Variants in RHOBTB1 observed in about 807,000 individuals in gnomAD.
RHOBTB1 encodes the protein rho-related BTB domain-containing protein 1.
Under a neutral mutation model 71.6 loss-of-function variants are expected in RHOBTB1, and 40 were observed. The ratio of observed to expected loss-of-function variants is 0.56; its 90% CI spans 0.43 to 0.73. RHOBTB1 has a LOEUF of 0.73. Ranked by LOEUF, RHOBTB1 falls within the 30% of genes least tolerant of loss-of-function variation. The pLI is 0.00. For synonymous variants in RHOBTB1, 319 were observed against 334.9 expected (o/e 0.95, Z 0.52); for missense variants, 797 against 894.0 (o/e 0.89, Z 1.38).
intron 2 of RHOBTB1, among the ~76,000 whole-genome samples, chr10:60,923,921 C>G (rs1312238747): frequency 6.6e-6 from 1 of 152,072 alleles, no homozygotes; most frequent in Admixed American, 6.6e-5. Flanking sequence ...TATAAATTAC[C>G]CAGTCTTGGG....
chr10:60,997,769 A>G (rs2135042008), intron 1 of RHOBTB1, among the ~76,000 whole-genome samples: 1 of 152,340 alleles, frequency 6.6e-6, no homozygotes, highest in South Asian at 2.1e-4. Context: ...AATAGGTTAT[A>G]CATACTAAGA....
chr10:60,990,681 C>T (rs1489966287), intron 1 of RHOBTB1, among the ~76,000 whole-genome samples: 3 of 152,176 alleles, frequency 2.0e-5, no homozygotes, highest in Non-Finnish European at 4.4e-5. Context: ...TTTTGCTATT[C>T]TTCCATCCTC....
intron 2 of RHOBTB1, among the ~76,000 whole-genome samples, chr10:60,950,025 A>C (rs1439998979): frequency 2.6e-5 from 4 of 152,134 alleles, no homozygotes. Flanking sequence ...TAAAAATGTG[A>C]TTTTGCAAAT....
intron 9 of RHOBTB1, 113 bp downstream of exon 9, chr10:60,874,841 T>TGTGACTCA: frequency 1.3e-6 from 1 of 755,858 alleles, no homozygotes; most frequent in South Asian, 1.6e-5. Flanking sequence ...AGGGGGACTC[T>TGTGACTCA]GTGACTCAGT....
intron 2 of RHOBTB1, among the ~76,000 whole-genome samples, chr10:60,929,362 A>T (rs959180244): frequency 1.3e-5 from 2 of 152,160 alleles, no homozygotes; most frequent in African/African-American, 4.8e-5. Flanking sequence ...ATAATAATAC[A>T]TTTCTGACTT....
chr10:60,920,638 AGTTTT>A (rs572223910), intron 2 of RHOBTB1, among the ~76,000 whole-genome samples: 49 of 146,484 alleles, frequency 3.3e-4, no homozygotes, highest in South Asian at 1.9e-3. Context: ...TTTTTTTTTA[AGTTTT>A]GTTTTGTTTT....
At chr10:60,955,974 A>G (rs566920410) in intron 2 of RHOBTB1, among the ~76,000 whole-genome samples, 1 of 152,190 alleles carries the variant, frequency 6.6e-6, no homozygotes, top group Non-Finnish European at 1.5e-5. Flanking sequence ...AGTGGGCCTC[A>G]TTTGTTAATA....
intron 2 of RHOBTB1, among the ~76,000 whole-genome samples, chr10:60,937,333 C>T (rs868558238): frequency 2.0e-5 from 3 of 151,896 alleles, no homozygotes; most frequent in African/African-American, 4.8e-5. Context: ...GTCAGCAACA[C>T]GTGACAAAAA....
At chr10:60,868,180 T>C (rs2080648343), downstream of RHOBTB1, among the ~76,000 whole-genome samples, 1 of 152,212 alleles carries the variant, frequency 6.6e-6, no homozygotes, top group African/African-American at 2.4e-5. Flanking sequence ...CTATGACTTT[T>C]ATGCAATAGT....
At chr10:60,976,462 G>A (rs1316083425) in intron 2 of RHOBTB1, among the ~76,000 whole-genome samples, 1 of 151,922 alleles carries the variant, frequency 6.6e-6, no homozygotes, top group Non-Finnish European at 1.5e-5. Flanking sequence ...CTAACTCCGA[G>A]TTAAGAAACT....
chr10:60,993,733 T>C (rs1191625733), intron 1 of RHOBTB1, among the ~76,000 whole-genome samples: 1 of 152,042 alleles, frequency 6.6e-6, no homozygotes, highest in Non-Finnish European at 1.5e-5. Flanking sequence ...CCCTAAATCC[T>C]TTCCAGCATA....
At chr10:60,871,766 A>G in intron 10 of RHOBTB1, 115 bp from the exon 11 acceptor site, 1 of 983,442 alleles carries the variant, frequency 1.0e-6, no homozygotes, top group South Asian at 1.7e-5. Flanking sequence ...TGCGGCAGAG[A>G]CTGTGATTAG....
intron 2 of RHOBTB1, among the ~76,000 whole-genome samples, chr10:60,951,885 C>T (rs536679835): frequency 3.9e-4 from 59 of 151,158 alleles, no homozygotes; most frequent in South Asian, 2.1e-3. Flanking sequence ...GATGAAACCC[C>T]GTCTCTACTA....
chr10:60,955,311 G>A (rs1429051118), intron 2 of RHOBTB1, among the ~76,000 whole-genome samples: 1 of 152,012 alleles, frequency 6.6e-6, no homozygotes, highest in Non-Finnish European at 1.5e-5. Context: ...AAAGTGCTGG[G>A]ATTACAGGCA....
At chr10:60,968,394 A>T (rs1413250330) in intron 2 of RHOBTB1, among the ~76,000 whole-genome samples, 1 of 152,150 alleles carries the variant, frequency 6.6e-6, no homozygotes, top group Non-Finnish European at 1.5e-5. Flanking sequence ...CAATGTTTTA[A>T]AACAGGAGTA....
chr10:60,887,075 T>TAA lies in RHOBTB1; in HGVS notation c.1457-847_1457-846dup, dbSNP rs76965186. Among the ~76,000 whole-genome samples, 13 of 143,220 alleles carry TAA rather than the reference T, an allele frequency of 9.1e-5. No individual in the cohort carries two copies. The East Asian group carries it at 2.4e-3, about 26-fold the overall frequency. 94.0% of individuals were successfully genotyped at this position (143,220 alleles called of 152,430 possible). ...ATCCCTAAATCGTATTTCATAGCTT[T>TAA]AAAAAAAAAAAAACAGAATCCAATT... is the stretch of plus-strand genomic sequence containing the variant. On this transcript the variant is annotated intron_variant, in intron 6 of 10. Transcript: ENST00000337910.
At chr10:60,890,601 G>A (rs1463253731) in intron 5 of RHOBTB1, among the ~76,000 whole-genome samples, 1 of 152,190 alleles carries the variant, frequency 6.6e-6, no homozygotes, top group Non-Finnish European at 1.5e-5. Flanking sequence ...ACATCACAAA[G>A]TATTGATTCT....
chr10:60,888,146 T>TA, intron 6 of RHOBTB1, 66 bp downstream of exon 6: 1 of 1,531,166 alleles, frequency 6.5e-7, no homozygotes, highest in African/African-American at 1.4e-5. Context: ...CTCCTGCTCA[T>TA]GTCTGGCTAA....
At chr10:60,947,823 G>A (rs1455865568), upstream of RHOBTB1, among the ~76,000 whole-genome samples, 1 of 152,142 alleles carries the variant, frequency 6.6e-6, no homozygotes, top group East Asian at 1.9e-4. Context: ...GTGAGCATAA[G>A]TTTTTATTTC....
Sources: allele counts gnomAD v4.1 joint callset (sites outside exome capture counted in the v4.1 genomes callset), GRCh38; gene constraint gnomAD v4.1.1; transcripts MANE v1.5; gene names NCBI Gene and HGNC (gene_info 2026-07-23, HGNC 2026-07-21).